KAZN: variants seen among roughly 807,000 people sequenced by gnomAD.
The protein encoded by KAZN is kazrin, periplakin interacting protein.
In KAZN, 40 loss-of-function variants were observed where a neutral mutation model predicts 87.4. That is an observed-to-expected ratio of 0.46 (90% CI 0.36 to 0.60). KAZN has a LOEUF of 0.60. Ranked by LOEUF, KAZN falls within the 20% of genes least tolerant of loss-of-function variation. The pLI is 0.00. For missense variants in KAZN, 898 were observed against 1,073.9 expected, an observed-to-expected ratio of 0.84 and a Z score of 2.29; for synonymous variants, 466 against 458.3, an observed-to-expected ratio of 1.02 and a Z score of -0.22.
At chr1:13,900,660 T>C (rs901457746) in intron 1 of KAZN, among the ~76,000 whole-genome samples, 1 of 152,166 alleles carries the variant, frequency 6.6e-6, no homozygotes, top group African/African-American at 2.4e-5. Context: ...CATGTGATTT[T>C]TAGTATGGAC....
chr1:14,123,974 G>A lies in KAZN; in HGVS notation c.92-56461G>A, dbSNP rs367849883. On this transcript the variant is annotated intron_variant, in intron 1 of 16. Coordinates refer to the KAZN transcript ENST00000636203. ...ACAAATGTGTGGCTGGCCCCTCGGAGGCTCCTTCCCAATAGGAGCCCTCCC... is the reference window on the plus strand; with the variant it reads ...ACAAATGTGTGGCTGGCCCCTCGGAAGCTCCTTCCCAATAGGAGCCCTCCC... 2.0e-4 allele frequency among the ~76,000 whole-genome samples: 30 copies of A among 152,202 alleles called. No homozygotes were observed. In the South Asian group the frequency reaches 6.2e-3, roughly 32 times the overall value.
At chr1:14,231,169 T>A (rs634943) in intron 2 of KAZN, among the ~76,000 whole-genome samples, 70,763 of 152,096 alleles carry the variant, frequency 0.47, 17,744 homozygotes, top group Non-Finnish European at 0.57. Context: ...TTGGTTCTTA[T>A]TAGTAGGGAA....
intron 2 of KAZN, among the ~76,000 whole-genome samples, chr1:14,572,137 A>C (rs1380082858): frequency 6.6e-6 from 1 of 152,156 alleles, no homozygotes; most frequent in Non-Finnish European, 1.5e-5. Flanking sequence ...TCATCATTTA[A>C]TGGGTAGGTG....
At chr1:14,825,917 T>A (rs1646872700) in intron 1 of KAZN, among the ~76,000 whole-genome samples, 1 of 152,188 alleles carries the variant, frequency 6.6e-6, no homozygotes, top group Admixed American at 6.5e-5. Flanking sequence ...CATTGATATC[T>A]CCAGCACTTA....
At chr1:14,210,878 C>T (rs912657357) in intron 2 of KAZN, among the ~76,000 whole-genome samples, 16 of 152,232 alleles carry the variant, frequency 1.1e-4, no homozygotes, top group African/African-American at 3.9e-4. Flanking sequence ...TCTGCTCCTA[C>T]AATTAATCTG....
chr1:14,140,401 T>G (rs913330330), intron 1 of KAZN, among the ~76,000 whole-genome samples: 2 of 152,072 alleles, frequency 1.3e-5, no homozygotes, highest in African/African-American at 4.8e-5. Flanking sequence ...ATAATTATAA[T>G]AATTATTAAT....
rs533760322 is a variant in KAZN, at chr1:15,099,338, G to A, written c.1548-2205G>A. Among the ~76,000 whole-genome samples, 1 of 152,328 alleles carries A rather than the reference G, an allele frequency of 6.6e-6. No individual in the cohort carries two copies. The highest frequency in any genetic ancestry group is 1.9e-4 in the East Asian group (1 of 5,188). On this transcript the variant is annotated intron_variant, in intron 10 of 14. Transcript: ENST00000376030. This position sits in a 1 kb window ranked among gnomAD's most constrained non-coding sequence, Gnocchi z 5.4. ...CCTGAATGAGCTTATCTGCTAAGGTGGGGAAGAGAGAAAATAAATTAGTGG... is the reference window on the plus strand; with the variant it reads ...CCTGAATGAGCTTATCTGCTAAGGTAGGGAAGAGAGAAAATAAATTAGTGG...
intron 1 of KAZN, among the ~76,000 whole-genome samples, chr1:14,652,668 C>CCCAT (rs1557865620): frequency 1.3e-5 from 1 of 74,738 alleles, no homozygotes; most frequent in Non-Finnish European, 2.6e-5. Flanking sequence ...CACCCACCCA[C>CCCAT]CCATCCATCC....
intron 2 of KAZN, among the ~76,000 whole-genome samples, chr1:14,440,876 C>T (rs181770950): frequency 3.9e-5 from 6 of 152,322 alleles, no homozygotes; most frequent in African/African-American, 7.2e-5. Flanking sequence ...AAAGGCATCA[C>T]GTTCAACGCA....
intron 1 of KAZN, among the ~76,000 whole-genome samples, chr1:14,933,469 G>C (rs1348030403): frequency 6.6e-6 from 1 of 152,116 alleles, no homozygotes; most frequent in African/African-American, 2.4e-5. Context: ...GAAGTACCTT[G>C]TCTTAAGTGT....
chr1:14,336,818 T>C (rs1657302863), intron 2 of KAZN, among the ~76,000 whole-genome samples: 1 of 152,244 alleles, frequency 6.6e-6, no homozygotes, highest in African/African-American at 2.4e-5. Context: ...TGTTGAATTA[T>C]ATTTTTTTAT....
At chr1:14,392,199 A>G (rs1271477177) in intron 2 of KAZN, among the ~76,000 whole-genome samples, 1 of 152,234 alleles carries the variant, frequency 6.6e-6, no homozygotes, top group African/African-American at 2.4e-5. Flanking sequence ...CTTCCAGAGA[A>G]GACCACAAAA....
chr1:14,699,801 G>A (rs191672527), intron 1 of KAZN, among the ~76,000 whole-genome samples: 2 of 152,276 alleles, frequency 1.3e-5, no homozygotes, highest in Non-Finnish European at 2.9e-5. Flanking sequence ...CAGTGTCCAT[G>A]GTGTAAATGC....
intron 2 of KAZN, among the ~76,000 whole-genome samples, chr1:14,235,191 TATTC>T (rs1204741194): frequency 3.9e-5 from 6 of 152,236 alleles, no homozygotes; most frequent in Admixed American, 6.5e-5. Flanking sequence ...AATGAAATAT[TATTC>T]ATCCATAAAC....
chr1:14,598,773 G>T lies in KAZN; in HGVS notation c.-225G>T. On this transcript the variant is annotated 5_prime_UTR_variant, in exon 1 of 15. Transcript: ENST00000376030. The surrounding 1 kb of genome is among the most constrained non-coding windows in gnomAD (Gnocchi z 4.2). ...CTTCTCCTCCTCTTTTTTCTCCTCCGCCTCCTCCCCCCGCCGCCTCGCCAC... is the reference window on the plus strand; with the variant it reads ...CTTCTCCTCCTCTTTTTTCTCCTCCTCCTCCTCCCCCCGCCGCCTCGCCAC... 2 of 1,343,334 alleles carry T rather than the reference G, an allele frequency of 1.5e-6. No homozygotes were observed. The highest frequency in any genetic ancestry group is 1.9e-6 in the Non-Finnish European group (2 of 1,053,980). The allele number at this position is 1,343,334 out of a possible 1,614,324, so 83.2% of individuals were successfully genotyped here.
At chr1:14,994,704 G>A (rs984383710) in intron 2 of KAZN, among the ~76,000 whole-genome samples, 48 of 152,326 alleles carry the variant, frequency 3.2e-4, no homozygotes, top group African/African-American at 1.1e-3. Context: ...AGAATATGCT[G>A]TCTGGTTCAA....
At chr1:13,978,558 C>G (rs1446030933) in intron 1 of KAZN, among the ~76,000 whole-genome samples, 1 of 150,978 alleles carries the variant, frequency 6.6e-6, no homozygotes, top group Non-Finnish European at 1.5e-5. Flanking sequence ...TAAGTTAATT[C>G]AACAGAGAGG....
intron 1 of KAZN, among the ~76,000 whole-genome samples, chr1:13,928,375 A>T (rs932997890): frequency 6.6e-6 from 1 of 152,144 alleles, no homozygotes; most frequent in African/African-American, 2.4e-5. Flanking sequence ...CTTGTTATAT[A>T]CCTGGCACTC....
chr1:14,180,604 A>G, intron 2 of KAZN: 9 of 1,539,482 alleles, frequency 5.8e-6, no homozygotes, highest in Non-Finnish European at 7.0e-6. Context: ...TACAAAGATC[A>G]ATACAGAAAT....
Sources: allele counts gnomAD v4.1 joint callset (sites outside exome capture counted in the v4.1 genomes callset), GRCh38; gene constraint gnomAD v4.1.1; non-coding constraint Gnocchi (gnomAD v3.1); transcripts MANE v1.5; gene names NCBI Gene and HGNC (gene_info 2026-07-23, HGNC 2026-07-21).